C11orf65: variants seen among roughly 807,000 people sequenced by gnomAD.
C11orf65 encodes protein MFI.
C11orf65 carries 38 observed loss-of-function variants against 35.3 expected under a neutral mutation model. The observed-to-expected ratio is 1.08, with a 90% CI of 0.83 to 1.41. The LOEUF is 1.41. C11orf65 is among the 40% of genes most tolerant of loss of function. C11orf65 has a pLI of 0.00. For missense variants in C11orf65, 370 were observed against 367.1 expected, an observed-to-expected ratio of 1.01 and a Z score of -0.06; for synonymous variants, 105 against 114.4, an observed-to-expected ratio of 0.92 and a Z score of 0.53.
At chr11:108,329,549 G>A (rs2086045466), downstream of C11orf65, among the ~76,000 whole-genome samples, 1 of 151,978 alleles carries the variant, frequency 6.6e-6, no homozygotes, top group Non-Finnish European at 1.5e-5. Context: ...AAATAGCTGG[G>A]GCTACAGGTG....
intron 2 of C11orf65, among the ~76,000 whole-genome samples, chr11:108,433,493 T>C (rs942455773): frequency 1.3e-5 from 2 of 151,976 alleles, no homozygotes; most frequent in African/African-American, 4.8e-5. Context: ...GGCAGGAGGA[T>C]GGTGTGAACC....
chr11:108,431,603 T>A, intron 3 of C11orf65, 143 bp downstream of exon 3: 1 of 412,874 alleles, frequency 2.4e-6, no homozygotes, highest in Non-Finnish European at 4.2e-6. Flanking sequence ...GCTATATATG[T>A]TTTATGAACT....
At chr11:108,443,239 T>C (rs1416238278) in intron 2 of C11orf65, among the ~76,000 whole-genome samples, 5 of 152,124 alleles carry the variant, frequency 3.3e-5, no homozygotes, top group African/African-American at 1.2e-4. Flanking sequence ...GGCCATTACG[T>C]AATTATAAAG....
intron 3 of C11orf65, among the ~76,000 whole-genome samples, chr11:108,413,471 A>C (rs915505137): frequency 2.0e-5 from 3 of 152,210 alleles, no homozygotes; most frequent in African/African-American, 7.2e-5. Flanking sequence ...CACCAGTAGA[A>C]AAAAGATAAT....
intron 6 of C11orf65, among the ~76,000 whole-genome samples, chr11:108,400,399 AATCAAGGTAAGGTC>A (rs2138549166): frequency 6.6e-6 from 1 of 152,266 alleles, no homozygotes; most frequent in South Asian, 2.1e-4. Context: ...CACCACATCC[AATCAAGGTAAGGTC>A]ATCAATGTAA....
chr11:108,372,593 A>G (rs941311154), intron 2 of C11orf65, among the ~76,000 whole-genome samples: 9 of 152,240 alleles, frequency 5.9e-5, no homozygotes, highest in Admixed American at 2.6e-4. Flanking sequence ...TGCCAGATTT[A>G]TTTTAAATCA....
chr11:108,367,379 TTC>T (rs1013644621), intron 2 of C11orf65: 55 of 192,942 alleles, frequency 2.9e-4, no homozygotes, highest in Admixed American at 2.6e-3. Flanking sequence ...TATCCAGCAT[TTC>T]TCTGTGTTCT....
rs376336246 is a variant in C11orf65 at position 108,395,608 on chromosome 11, C to T, written c.561-2230G>A. 3.1e-3 allele frequency among the ~76,000 whole-genome samples: 465 copies of T among 149,706 alleles called. 1 individual carries two copies. Among genetic ancestry groups the T allele is most frequent in the African/African-American group, 0.011 (449 of 40,154 alleles). On this transcript the variant is annotated intron_variant, in intron 6 of 8. Transcript: ENST00000393084. ...TTGTGATTACAGGCGTGAGCCACTG[C>T]GCCCAGCCCAAATTTTTTTTTTTTT...
At position 108,430,295 on chromosome 11, in the gene C11orf65, A is replaced by ATT. The variant is rs34278416; in HGVS notation, c.174+1449_174+1450dup. 2.4e-5 allele frequency among the ~76,000 whole-genome samples: 3 copies of ATT among 125,806 alleles called. No homozygotes were observed. In the South Asian group the frequency reaches 7.9e-4, roughly 33 times the overall value. The allele number at this position is 125,806 out of a possible 152,430, so 82.5% of individuals were successfully genotyped here. On this transcript the variant is annotated intron_variant, in intron 3 of 8. Coordinates refer to ENST00000393084, the MANE Select transcript of C11orf65 (RefSeq NM_152587.5). ...AGGCACCTGCCACCACGCCTGGCTA[A>ATT]TTTTTTTTTTTTTTTTTGTATTTTT...
At chr11:108,445,350 C>A (rs1330908859) in intron 2 of C11orf65, among the ~76,000 whole-genome samples, 1 of 152,156 alleles carries the variant, frequency 6.6e-6, no homozygotes, top group Non-Finnish European at 1.5e-5. Flanking sequence ...CTGGGAGGCA[C>A]CCCCCAGTAA....
intron 2 of C11orf65, chr11:108,336,191 G>A (rs2086834498): frequency 2.3e-6 from 1 of 433,538 alleles, no homozygotes; most frequent in Non-Finnish European, 4.2e-6. Context: ...TAGTCCCTTA[G>A]CTACATGGGA....
chr11:108,401,077 C>A (rs1276267702), intron 6 of C11orf65, among the ~76,000 whole-genome samples: 2 of 151,894 alleles, frequency 1.3e-5, no homozygotes, highest in African/African-American at 4.8e-5. Flanking sequence ...CCACTGCACT[C>A]CAGCCTGGGT....
chr11:108,319,524 C>G (rs1045748069), intron 6 of C11orf65, among the ~76,000 whole-genome samples: 1 of 152,168 alleles, frequency 6.6e-6, no homozygotes, highest in South Asian at 2.1e-4. Flanking sequence ...TAATAGCCAT[C>G]TAGCCATTTT....
chr11:108,455,130 C>T lies in C11orf65; in HGVS notation c.81+6349G>A, dbSNP rs374429881. On this transcript the variant is annotated intron_variant, in intron 2 of 8. Transcript: ENST00000393084. ...CCTTTAAAGGTCACATATGACAAGC[C>T]CACAGCTAACATCATACTCAATGGT... Among the ~76,000 whole-genome samples, 59 of 152,168 alleles carry T rather than the reference C, an allele frequency of 3.9e-4. 1 individual carries two copies. Among genetic ancestry groups the T allele is most frequent in the African/African-American group, 1.3e-3 (56 of 41,534 alleles).
At chr11:108,335,381 A>C (rs963710122) in intron 2 of C11orf65, 12 of 970,548 alleles carry the variant, frequency 1.2e-5, no homozygotes, top group Non-Finnish European at 1.7e-5. Context: ...GCTTCTTATG[A>C]AAAAAAATAC....
chr11:108,374,935 G>C (rs1409233395), intron 2 of C11orf65, among the ~76,000 whole-genome samples: 6 of 152,142 alleles, frequency 3.9e-5, no homozygotes, highest in African/African-American at 7.2e-5. Context: ...GAAGTTTAGA[G>C]AAAAAAGAAT....
intron 3 of C11orf65, among the ~76,000 whole-genome samples, chr11:108,410,984 C>T (rs2092645758): frequency 6.6e-6 from 1 of 152,158 alleles, no homozygotes; most frequent in Admixed American, 6.5e-5. Context: ...GCTGGTATTA[C>T]AGGCATGAGC....
intron 4 of C11orf65, 55 bp from the exon 5 acceptor site, chr11:108,407,018 C>G: frequency 1.3e-6 from 2 of 1,573,474 alleles, no homozygotes. Context: ...AAATGTTTTA[C>G]ATTTTGAAAA....
intron 6 of C11orf65, among the ~76,000 whole-genome samples, chr11:108,316,981 T>C (rs2084719628): frequency 6.6e-6 from 1 of 151,908 alleles, no homozygotes; most frequent in South Asian, 2.1e-4. Flanking sequence ...TTACTGATGC[T>C]GGAGTGCATT....
Sources: gnomAD v4.1 joint callset for allele counts (sites outside exome capture counted in the v4.1 genomes callset) on GRCh38, gnomAD v4.1.1 for gene constraint, MANE v1.5 for transcripts, NCBI Gene and HGNC (gene_info 2026-07-23, HGNC 2026-07-21) for gene names.